The following HEMK2 variants were observed in gnomAD, a reference collection of about 807,000 sequenced individuals.
The protein encoded by HEMK2 is HemK methyltransferase 2, ETF1 glutamine and histone H4 lysine, also known as methyltransferase HEMK2.
At chr21:28,596,428 C>T in the HEMK2 span, among the ~76,000 whole-genome samples, 7 of 152,194 alleles carry the variant, frequency 4.6e-5, no homozygotes, top group East Asian at 1.9e-4. Context: ...AACACATACA[C>T]TAAATCCCTA....
the HEMK2 span, among the ~76,000 whole-genome samples, chr21:28,636,419 A>C: frequency 6.6e-6 from 1 of 152,154 alleles, no homozygotes; most frequent in Non-Finnish European, 1.5e-5. Flanking sequence ...GATGGACAAA[A>C]ACAGACATCT....
the HEMK2 span, among the ~76,000 whole-genome samples, chr21:28,871,405 G>A: frequency 6.6e-6 from 1 of 152,020 alleles, no homozygotes; most frequent in Non-Finnish European, 1.5e-5. Flanking sequence ...ACCAGATCTC[G>A]CTAAGAACTC....
chr21:28,878,455 G>C, the HEMK2 span: 2 of 1,046,242 alleles, frequency 1.9e-6, no homozygotes, highest in Non-Finnish European at 2.8e-6. Flanking sequence ...TGCTGACGAA[G>C]GAGCAGTCAA....
At chr21:28,858,458 T>C in the HEMK2 span, among the ~76,000 whole-genome samples, 2 of 152,190 alleles carry the variant, frequency 1.3e-5, no homozygotes, top group African/African-American at 4.8e-5. Flanking sequence ...AGAAATGTCT[T>C]ATCCTTCCCG....
the HEMK2 span, among the ~76,000 whole-genome samples, chr21:28,827,657 C>T: frequency 6.6e-6 from 1 of 152,186 alleles, no homozygotes; most frequent in Admixed American, 6.5e-5. Context: ...ACAGACAGTC[C>T]ACTTCATGTT....
chr21:28,854,484 A>G, the HEMK2 span, among the ~76,000 whole-genome samples: 9 of 151,346 alleles, frequency 5.9e-5, no homozygotes, highest in East Asian at 1.8e-3. Flanking sequence ...AATGGAATAG[A>G]TATATCTATA....
At chr21:28,786,411 C>T in the HEMK2 span, among the ~76,000 whole-genome samples, 1 of 152,344 alleles carries the variant, frequency 6.6e-6, no homozygotes, top group South Asian at 2.1e-4. Flanking sequence ...TGGCTCATGC[C>T]TGTAATCCCA....
the HEMK2 span, among the ~76,000 whole-genome samples, chr21:28,723,011 A>T: frequency 1.5e-4 from 21 of 138,122 alleles, no homozygotes; most frequent in East Asian, 8.7e-4. Context: ...TTCTTTTATT[A>T]AAAAAAAAAA....
At chr21:28,669,807 T>C in the HEMK2 span, among the ~76,000 whole-genome samples, 108 of 152,280 alleles carry the variant, frequency 7.1e-4, no homozygotes, top group Non-Finnish European at 1.4e-3. Flanking sequence ...TGGGGGTGAC[T>C]TGTCACTCAG....
the HEMK2 span, among the ~76,000 whole-genome samples, chr21:28,714,165 C>G: frequency 1.3e-5 from 2 of 152,140 alleles, no homozygotes; most frequent in Non-Finnish European, 2.9e-5. Flanking sequence ...TAAAAATAGC[C>G]TTCTAAATGA....
chr21:28,600,538 G>T, the HEMK2 span, among the ~76,000 whole-genome samples: 2,706 of 152,282 alleles, frequency 0.018, 103 homozygotes, highest in African/African-American at 0.063. Context: ...GATGATAAGG[G>T]CTGTCTCAAA....
At chr21:28,770,323 A>T in the HEMK2 span, among the ~76,000 whole-genome samples, 13 of 152,038 alleles carry the variant, frequency 8.6e-5, no homozygotes, top group Admixed American at 7.2e-4. Flanking sequence ...ATGGCCACCT[A>T]GTGTAATCAA....
chr21:28,739,819 G>T, the HEMK2 span, among the ~76,000 whole-genome samples: 3 of 152,216 alleles, frequency 2.0e-5, no homozygotes, highest in Non-Finnish European at 4.4e-5. Context: ...GGACAGCACA[G>T]TTCTAGAAGC....
chr21:28,794,800 T>G, the HEMK2 span, among the ~76,000 whole-genome samples: 5 of 152,350 alleles, frequency 3.3e-5, no homozygotes, highest in East Asian at 9.6e-4. Context: ...CGAAGGCTGT[T>G]TCTTTCCTAG....
chr21:28,736,484 G>A, the HEMK2 span, among the ~76,000 whole-genome samples: 11 of 152,168 alleles, frequency 7.2e-5, no homozygotes, highest in African/African-American at 1.2e-4. Context: ...GGCCGGACGC[G>A]GTGGCTCATG....
At chr21:28,631,218 C>T in the HEMK2 span, among the ~76,000 whole-genome samples, 13 of 152,256 alleles carry the variant, frequency 8.5e-5, no homozygotes, top group African/African-American at 3.1e-4. Flanking sequence ...ACTTCAAAAA[C>T]ATCATACTAG....
chr21:28,831,510 AGAAAGAAAGAAAGAAG>A, the HEMK2 span, among the ~76,000 whole-genome samples: 2 of 88,028 alleles, frequency 2.3e-5, no homozygotes, highest in African/African-American at 5.7e-5. Context: ...AAAGAAAGAA[AGAAAGAAAGAAAGAAG>A]GAAAGAAGGA....
At chr21:28,877,302 G>T in the HEMK2 span, among the ~76,000 whole-genome samples, 1 of 43,914 alleles carries the variant, frequency 2.3e-5, no homozygotes, top group East Asian at 3.4e-4. Flanking sequence ...GGAAGGAAGA[G>T]AGAGAGAAAG....
chr21:28,858,020 ATCT>A, the HEMK2 span, among the ~76,000 whole-genome samples: 2 of 152,158 alleles, frequency 1.3e-5, no homozygotes, highest in Admixed American at 6.5e-5. Flanking sequence ...TACAATAAAG[ATCT>A]TCTATCCTTG....
Sources: allele counts gnomAD v4.1 joint callset (sites outside exome capture counted in the v4.1 genomes callset), GRCh38; gene constraint gnomAD v4.1.1; transcripts MANE v1.5; gene names NCBI Gene and HGNC (gene_info 2026-07-23, HGNC 2026-07-21).